SMURF2: variants seen among roughly 807,000 people sequenced by gnomAD.
SMURF2 encodes the protein E3 ubiquitin-protein ligase SMURF2.
A neutral mutation model predicts 109.6 loss-of-function variants in SMURF2; 48 were observed. That is an observed-to-expected ratio of 0.44 (90% CI 0.35 to 0.56). The LOEUF (loss-of-function observed/expected upper bound fraction) is 0.56, where lower values mean the gene tolerates loss of function less well. SMURF2 is among the 20% of genes least tolerant of loss of function. The pLI is 0.01. For synonymous variants in SMURF2, 288 were observed against 317.1 expected, an observed-to-expected ratio of 0.91 and a Z score of 0.97; for missense variants, 575 against 909.0, an observed-to-expected ratio of 0.63 and a Z score of 4.72.
At chr17:64,631,328 CAGAGAGAG>C (rs1282544902) in intron 1 of SMURF2, among the ~76,000 whole-genome samples, 3 of 65,020 alleles carry the variant, frequency 4.6e-5, no homozygotes, top group South Asian at 5.2e-4. Flanking sequence ...GAGAGAGAGA[CAGAGAGAG>C]AGAGACAGAG....
At chr17:64,573,235 GGGAGGAGGAGGAGGAGGGGA>G (rs1568179495) in intron 9 of SMURF2, among the ~76,000 whole-genome samples, 2 of 20,670 alleles carry the variant, frequency 9.7e-5, no homozygotes, top group African/African-American at 3.1e-4. Flanking sequence ...GGAGGAGGAG[GGGAGGAGGAGGAGGAGGGGA>G]GGAGGAGGAG....
At chr17:64,632,682 C>T (rs566771366) in intron 1 of SMURF2, among the ~76,000 whole-genome samples, 26 of 152,334 alleles carry the variant, frequency 1.7e-4, no homozygotes, top group African/African-American at 5.8e-4. Context: ...TGTTCAAAGG[C>T]CTCCAGACTT....
intron 8 of SMURF2, 111 bp downstream of exon 8, chr17:64,580,678 T>C: frequency 9.0e-7 from 1 of 1,110,690 alleles, no homozygotes. Flanking sequence ...TTTATTTTCA[T>C]GCAGAATCCC....
rs8078615 is a variant in SMURF2 at position 64,571,698 on chromosome 17, C to T, written c.1016+100G>A. ...CCTCCCAAAGCACTGGGATTAAAGG[C>T]GTGAGCCACTGTATCGAGACTCACA... On this transcript the variant is annotated intron_variant, in intron 10 of 18. Transcript: ENST00000262435. 8,885 of 1,250,046 alleles carry T rather than the reference C, an allele frequency of 7.1e-3. 474 individuals carry two copies. The African/African-American group carries it at 0.12, about 17-fold the overall frequency. 77.4% of individuals were successfully genotyped at this position (1,250,046 alleles called of 1,614,324 possible). A position where few individuals can be genotyped will look rare whatever the true frequency, so the allele number is the denominator to read the frequency against.
chr17:64,557,930 C>T (rs1044032842), intron 12 of SMURF2, among the ~76,000 whole-genome samples: 2 of 152,112 alleles, frequency 1.3e-5, no homozygotes, highest in African/African-American at 4.8e-5. Context: ...TAACATCTCA[C>T]GCAAAATTTA....
intron 2 of SMURF2, 74 bp downstream of exon 2, chr17:64,606,528 A>C: frequency 9.1e-7 from 1 of 1,099,202 alleles, no homozygotes; most frequent in Non-Finnish European, 1.3e-6. Context: ...GAAACCCCTA[A>C]ACCAGAGAAT....
intron 2 of SMURF2, among the ~76,000 whole-genome samples, chr17:64,601,076 A>AC (rs1555688500): frequency 1.3e-5 from 2 of 151,814 alleles, no homozygotes; most frequent in African/African-American, 4.8e-5. Context: ...TAGTAAGACC[A>AC]CCCCCCATCC....
chr17:64,633,792 T>C (rs1389586653), intron 1 of SMURF2, among the ~76,000 whole-genome samples: 1 of 151,414 alleles, frequency 6.6e-6, no homozygotes, highest in Non-Finnish European at 1.5e-5. Flanking sequence ...ACCAAGAGAT[T>C]AGCCCCCCAC....
At chr17:64,576,060 C>T (rs993038754) in intron 9 of SMURF2, among the ~76,000 whole-genome samples, 3 of 151,778 alleles carry the variant, frequency 2.0e-5, no homozygotes, top group Admixed American at 6.6e-5. Flanking sequence ...CAAAAATTAG[C>T]GGGGTATTGT....
intron 5 of SMURF2, among the ~76,000 whole-genome samples, chr17:64,589,715 G>A (rs1161269305): frequency 6.6e-6 from 1 of 151,838 alleles, no homozygotes; most frequent in African/African-American, 2.4e-5. Flanking sequence ...ACCCACAGAT[G>A]GGACCATCTA....
chr17:64,653,724 C>T (rs1382662278), intron 1 of SMURF2, among the ~76,000 whole-genome samples: 2 of 152,120 alleles, frequency 1.3e-5, no homozygotes, highest in Admixed American at 1.3e-4. Context: ...AAAATGCATA[C>T]TTTCTGTATG....
intron 8 of SMURF2, 36 bp from the exon 9 acceptor site, chr17:64,578,612 CAG>C (rs782321417): frequency 1.4e-6 from 2 of 1,398,844 alleles, no homozygotes; most frequent in South Asian, 2.3e-5. Flanking sequence ...CAAAAACATT[CAG>C]AGTGTCCAGA....
intron 9 of SMURF2, among the ~76,000 whole-genome samples, chr17:64,572,460 T>G (rs1433471882): frequency 2.0e-5 from 3 of 152,162 alleles, no homozygotes; most frequent in Non-Finnish European, 4.4e-5. Flanking sequence ...TCACAGCATA[T>G]TTTTAAAGAA....
chr17:64,546,989 G>GA (rs1349026441), intron 17 of SMURF2, among the ~76,000 whole-genome samples: 7 of 152,210 alleles, frequency 4.6e-5, no homozygotes, highest in African/African-American at 1.7e-4. Flanking sequence ...CAGCAGCTTT[G>GA]AAAATGAAGT....
chr17:64,631,289 A>G (rs1970342200), intron 1 of SMURF2, among the ~76,000 whole-genome samples: 6 of 60,568 alleles, frequency 9.9e-5, no homozygotes, highest in African/African-American at 3.7e-4. Context: ...GGGGAGAGAG[A>G]GAGAGAGAGA....
intron 2 of SMURF2, among the ~76,000 whole-genome samples, chr17:64,601,491 T>A (rs1167162050): frequency 6.6e-6 from 1 of 152,076 alleles, no homozygotes; most frequent in Non-Finnish European, 1.5e-5. Context: ...ATCAGAACTA[T>A]AATGCGATGC....
At chr17:64,646,331 G>A (rs1970558568) in intron 1 of SMURF2, among the ~76,000 whole-genome samples, 1 of 150,560 alleles carries the variant, frequency 6.6e-6, no homozygotes, top group African/African-American at 2.4e-5. Context: ...CTCCCAAAGT[G>A]CTGGGATTAT....
In SMURF2 at chr17:64,562,980, T is replaced by C. The variant is rs782754517; in HGVS notation, c.1017-14A>G. Reference sequence around the variant, plus strand: ...TGGTTCTGCCGACTAGAAGTAAACATAGATGTTATTATTAAAGTATATCAA... The same window carrying C: ...TGGTTCTGCCGACTAGAAGTAAACACAGATGTTATTATTAAAGTATATCAA... On this transcript the variant is annotated splice_polypyrimidine_tract_variant and intron_variant, in intron 10 of 18. Coordinates refer to ENST00000262435, the MANE Select transcript of SMURF2 (RefSeq NM_022739.4). The C allele has an allele frequency of 7.3e-5, 115 of 1,585,434 alleles. No homozygotes were observed. Among genetic ancestry groups the C allele is most frequent in the Middle Eastern group, 1.7e-4 (1 of 5,952 alleles).
intron 1 of SMURF2, among the ~76,000 whole-genome samples, chr17:64,632,021 G>T (rs191814659): frequency 8.6e-5 from 11 of 127,334 alleles, no homozygotes; most frequent in Non-Finnish European, 1.6e-4. Context: ...ACAATGTTGC[G>T]ATCTCGGCTC....
Sources: allele counts gnomAD v4.1 joint callset (sites outside exome capture counted in the v4.1 genomes callset), GRCh38; gene constraint gnomAD v4.1.1; transcripts MANE v1.5; gene names NCBI Gene and HGNC (gene_info 2026-07-23, HGNC 2026-07-21).